CHST11: variants seen among roughly 807,000 people sequenced by gnomAD.
The protein encoded by CHST11 is C4S-1.
Under a neutral mutation model 30.4 loss-of-function variants are expected in CHST11, and 9 were observed. That is an observed-to-expected ratio of 0.30 (90% CI 0.18 to 0.52). CHST11 has a LOEUF of 0.52. Ranked by LOEUF, CHST11 falls within the 20% of genes least tolerant of loss-of-function variation. CHST11 has a pLI of 0.97. For missense variants in CHST11, 348 were observed against 460.6 expected (o/e 0.76, Z 2.24); for synonymous variants, 152 against 187.8 (o/e 0.81, Z 1.56).
chr12:104,728,796 G>C (rs1214362815), intron 2 of CHST11, among the ~76,000 whole-genome samples: 1 of 152,196 alleles, frequency 6.6e-6, no homozygotes, highest in African/African-American at 2.4e-5. Context: ...GGAGGGCAGA[G>C]GGGAGAGGAT....
rs941504545 is a variant in CHST11, at chr12:104,590,230, C to A, written c.119-11676C>A. ...TCCTCATGTCTAGCTGATCCAGCAT[C>A]CCCAGACTCTTCCAAGATACAAATC... On this transcript the variant is annotated intron_variant, in intron 1 of 2. Coordinates refer to ENST00000303694, the MANE Select transcript of CHST11 (RefSeq NM_018413.6). 1.1e-4 allele frequency among the ~76,000 whole-genome samples: 17 copies of A among 152,108 alleles called. 1 individual carries two copies. The highest frequency in any genetic ancestry group is 4.1e-4 in the African/African-American group (17 of 41,410).
intron 2 of CHST11, among the ~76,000 whole-genome samples, chr12:104,716,871 T>C (rs1343784266): frequency 6.6e-6 from 1 of 152,254 alleles, no homozygotes; most frequent in African/African-American, 2.4e-5. Flanking sequence ...TTATATCTTA[T>C]GGTTCTGGGG....
intron 2 of CHST11, among the ~76,000 whole-genome samples, chr12:104,607,751 G>A (rs2039020823): frequency 6.6e-6 from 1 of 152,170 alleles, no homozygotes; most frequent in African/African-American, 2.4e-5. Context: ...GTGGCAGGTT[G>A]GTAGCATGTG....
At chr12:104,619,066 C>A (rs536601054) in intron 2 of CHST11, among the ~76,000 whole-genome samples, 1 of 152,336 alleles carries the variant, frequency 6.6e-6, no homozygotes, top group South Asian at 2.1e-4. Flanking sequence ...GAATGAAATG[C>A]ACAGTGAAGA....
intron 2 of CHST11, among the ~76,000 whole-genome samples, chr12:104,624,233 G>A (rs1043185967): frequency 6.6e-6 from 1 of 152,194 alleles, no homozygotes; most frequent in South Asian, 2.1e-4. Context: ...CTGAAAAGGG[G>A]TTGGTGCATA....
chr12:104,499,167 T>G (rs2037828763), intron 1 of CHST11, among the ~76,000 whole-genome samples: 1 of 152,204 alleles, frequency 6.6e-6, no homozygotes, highest in African/African-American at 2.4e-5. Context: ...AAATACTTCT[T>G]TTTATGGGAG....
chr12:104,706,462 GGA>G (rs150610226), intron 2 of CHST11, among the ~76,000 whole-genome samples: 47 of 145,014 alleles, frequency 3.2e-4, no homozygotes, highest in Admixed American at 3.6e-4. Context: ...GGATGGAGAG[GGA>G]GAGAGAGAGA....
rs59116085 is a variant in CHST11, at chr12:104,544,138, AAAAG to A, written c.119-57726_119-57723del. 8.4e-3 allele frequency among the ~76,000 whole-genome samples: 604 copies of A among 71,702 alleles called. 17 individuals are homozygous for A. Among genetic ancestry groups the A allele is most frequent in the African/African-American group, 0.023 (462 of 20,364 alleles). The allele number at this position is 71,702 out of a possible 152,430, so 47.0% of individuals were successfully genotyped here. On this transcript the variant is annotated intron_variant, in intron 1 of 2. Coordinates refer to ENST00000303694, the MANE Select transcript of CHST11 (RefSeq NM_018413.6). ...GACCCTGTCTGTTAAAAAAAAAAAAAAAAGAAAGAAAGAAAGAAAGAAAGAAAGA... is the reference window on the plus strand; with the variant it reads ...GACCCTGTCTGTTAAAAAAAAAAAAAAAAGAAAGAAAGAAAGAAAGAAAGA...
At chr12:104,548,389 C>T (rs528139957) in intron 1 of CHST11, among the ~76,000 whole-genome samples, 27 of 152,222 alleles carry the variant, frequency 1.8e-4, no homozygotes, top group African/African-American at 6.5e-4. Context: ...TTTCACGCTA[C>T]CAGTGTGATG....
rs1592805346 is a variant in CHST11, at chr12:104,632,101, C to T, written c.204+30110C>T. Among the ~76,000 whole-genome samples, 4 of 152,272 alleles carry T rather than the reference C, an allele frequency of 2.6e-5. No individual in the cohort carries two copies. In the South Asian group the frequency reaches 8.3e-4, roughly 32 times the overall value. ...TCCTGTCACAGACTGTGAAGCAGAGCCCCGTCCCCGAGGTGTCTGCAATGT... is the reference window on the plus strand; with the variant it reads ...TCCTGTCACAGACTGTGAAGCAGAGTCCCGTCCCCGAGGTGTCTGCAATGT... On this transcript the variant is annotated intron_variant, in intron 2 of 2. Coordinates refer to ENST00000303694, the MANE Select transcript of CHST11 (RefSeq NM_018413.6).
chr12:104,525,069 A>T (rs1411396922), intron 1 of CHST11, among the ~76,000 whole-genome samples: 1 of 151,518 alleles, frequency 6.6e-6, no homozygotes, highest in African/African-American at 2.4e-5. Flanking sequence ...ACTGTAATTT[A>T]TTAAGGTATC....
intron 1 of CHST11, among the ~76,000 whole-genome samples, chr12:104,502,136 T>C (rs2037858865): frequency 6.6e-6 from 1 of 152,092 alleles, no homozygotes; most frequent in South Asian, 2.1e-4. Flanking sequence ...CAAGGGATCT[T>C]CCTGTCTCGA....
At chr12:104,639,719 T>C (rs1289843016) in intron 2 of CHST11, among the ~76,000 whole-genome samples, 1 of 152,158 alleles carries the variant, frequency 6.6e-6, no homozygotes, top group East Asian at 1.9e-4. Flanking sequence ...ATTAACATGA[T>C]CTGAGGGAGT....
chr12:104,728,958 A>G (rs2040235829), intron 2 of CHST11, among the ~76,000 whole-genome samples: 1 of 152,226 alleles, frequency 6.6e-6, no homozygotes, highest in Admixed American at 6.5e-5. Flanking sequence ...AATGTGACTT[A>G]CAAAACAGTA....
At chr12:104,744,248 C>T (rs928820338) in intron 2 of CHST11, among the ~76,000 whole-genome samples, 4 of 152,208 alleles carry the variant, frequency 2.6e-5, no homozygotes, top group Non-Finnish European at 5.9e-5. Flanking sequence ...CCTTTTTCTC[C>T]GCAACCTTGC....
rs145932149 is a variant in CHST11, at chr12:104,757,978, AG to A, written c.*179del. On this transcript the variant is annotated 3_prime_UTR_variant, in exon 3 of 3. Transcript: ENST00000303694. The surrounding 1 kb of genome is among the most constrained non-coding windows in gnomAD (Gnocchi z 6.5). Reference sequence around the variant, plus strand: ...CGTAGGGAAGGACAGCTGTCTTTGCAGGGGAAATAGGATGGGTCGTCCTTGT... The same window carrying A: ...CGTAGGGAAGGACAGCTGTCTTTGCAGGGAAATAGGATGGGTCGTCCTTGT... The A allele has an allele frequency of 4.1e-3, 2,813 of 691,562 alleles. 55 individuals are homozygous for A. The African/African-American group carries it at 0.044, about 11-fold the overall frequency. The allele number at this position is 691,562 out of a possible 1,614,324, so 42.8% of individuals were successfully genotyped here.
At chr12:104,666,539 C>T (rs141720549) in intron 2 of CHST11, among the ~76,000 whole-genome samples, 64 of 152,198 alleles carry the variant, frequency 4.2e-4, no homozygotes, top group African/African-American at 1.4e-3. Flanking sequence ...CCTCTGTCTG[C>T]GTGTTGAATT....
chr12:104,598,565 T>G (rs2136045004), intron 1 of CHST11, among the ~76,000 whole-genome samples: 1 of 152,322 alleles, frequency 6.6e-6, no homozygotes, highest in Non-Finnish European at 1.5e-5. Flanking sequence ...CATCTCCCCC[T>G]CCTTCTGATT....
chr12:104,491,110 G>T (rs1013971112), intron 1 of CHST11, among the ~76,000 whole-genome samples: 6 of 151,842 alleles, frequency 4.0e-5, no homozygotes, highest in African/African-American at 9.7e-5. Context: ...TTATCTCTGA[G>T]GGCCCGTCAC....
Sources: gnomAD v4.1 joint callset for allele counts (sites outside exome capture counted in the v4.1 genomes callset) on GRCh38, gnomAD v4.1.1 for gene constraint, Gnocchi (gnomAD v3.1) non-coding constraint, MANE v1.5 for transcripts, NCBI Gene and HGNC (gene_info 2026-07-23, HGNC 2026-07-21) for gene names.